The following TRPV1 variants were observed in gnomAD, a reference collection of about 807,000 sequenced individuals.
TRPV1 encodes the protein OTRPC1.
In TRPV1, 82 loss-of-function variants were observed where a neutral mutation model predicts 82.3. The ratio of observed to expected loss-of-function variants is 1.00; its 90% confidence interval spans 0.83 to 1.20. The LOEUF (loss-of-function observed/expected upper bound fraction) is 1.20, where lower values mean the gene tolerates loss of function less well. TRPV1 is among the 50% of genes most tolerant of loss of function. TRPV1 has a pLI of 0.00. For missense variants in TRPV1, 1,067 were observed against 1,096.8 expected (o/e 0.97, Z 0.38); for synonymous variants, 515 against 467.7 (o/e 1.10, Z -1.30).
At position 3,583,338 on chromosome 17, in the gene TRPV1, C is replaced by T. The variant is rs2150839775; in HGVS notation, c.1476G>A (p.Gly492=). 1 of 1,606,138 alleles carries T rather than the reference C, an allele frequency of 6.2e-7. No individual in the cohort carries two copies. Among genetic ancestry groups the T allele is most frequent in the African/African-American group, 1.3e-5 (1 of 74,894 alleles). The change falls in exon 10 of 17, where the codon GGG becomes GGA. Residue 492 remains glycine (G), a splice_region_variant and synonymous_variant. Coordinates refer to ENST00000572705, the MANE Select transcript of TRPV1 (RefSeq NM_080704.4). ...TCACAATGTGGGAAGGAACGCTTAC[C>T]CCTCGGAAAAAGAAGTAGACTCCTC... ...VLGGVYFFFR[G]IQYFLQRRPS... is the part of the protein sequence containing the mutation.
chr17:3,585,445 C>A, intron 9 of TRPV1: 1 of 269,022 alleles, frequency 3.7e-6, no homozygotes, highest in South Asian at 5.2e-5. Context: ...GCCACCATGC[C>A]CGGCCCCTGC....
intron 9 of TRPV1, among the ~76,000 whole-genome samples, chr17:3,583,662 G>A (rs1489234309): frequency 6.6e-6 from 1 of 152,236 alleles, no homozygotes; most frequent in Non-Finnish European, 1.5e-5. Context: ...ACAATGCTGT[G>A]CCGCCTCCCA....
At position 3,588,279 on chromosome 17, in the gene TRPV1, A is replaced by T; in HGVS notation, c.1133T>A (p.Val378Glu). Residue 378 changes from valine to glutamate, a missense_variant, in exon 8 of 17, where the codon GTG becomes GAG. Coordinates refer to ENST00000572705, the MANE Select transcript of TRPV1 (RefSeq NM_080704.4). ...GGACAGGTCGTACAGCGAGGAGTGC[A>T]CGGGCCCGTAGGCCCACTCGGTGAA... ...RKFTEWAYGP[V>E]HSSLYDLSCI... 6.3e-7 allele frequency: 1 copy of T among 1,579,348 alleles called. No homozygotes were observed. The highest frequency in any genetic ancestry group is 8.6e-7 in the Non-Finnish European group (1 of 1,163,232).
chr17:3,580,695 G>A (rs996298759), intron 10 of TRPV1, among the ~76,000 whole-genome samples, 168 bp from the exon 11 acceptor site: 2 of 152,150 alleles, frequency 1.3e-5, no homozygotes. Flanking sequence ...GTGACACTAG[G>A]TGGCCCAGTC....
chr17:3,571,651 G>T lies in TRPV1; in HGVS notation c.2232-12C>A. On this transcript the variant is annotated splice_polypyrimidine_tract_variant and intron_variant, in intron 15 of 16. Transcript: ENST00000572705. ...TCACCTCGTCCACCCTGCAGGGTAA[G>T]GGGTCGGGAGAGCCTGAGAGCTGTG... 1 of 1,592,736 alleles carries T rather than the reference G, an allele frequency of 6.3e-7. No homozygotes were observed. The highest frequency in any genetic ancestry group is 2.3e-5 in the East Asian group (1 of 44,156).
Position 3,572,173 on chromosome 17 carries a change from A to T in TRPV1, c.2180T>A (p.Leu727Gln). 6.2e-7 allele frequency: 1 copy of T among 1,613,662 alleles called. No homozygotes were observed. Among genetic ancestry groups the T allele is most frequent in the Non-Finnish European group, 8.5e-7 (1 of 1,179,748 alleles). Residue 727 changes from leucine (L) to glutamine (Q), a missense_variant, in exon 15 of 17, where the codon CTG (leucine) becomes CAG (glutamine). By Grantham distance (113) the Leu-to-Gln change is moderately radical. Coordinates refer to ENST00000572705, the MANE Select transcript of TRPV1 (RefSeq NM_080704.4). Reference sequence around the variant, plus strand: ...GCCATCAGGTGTGTACCCCACCTGCAGCAGCTTGCCTGAGCGGAAGGCCTT... The same window carrying T: ...GCCATCAGGTGTGTACCCCACCTGCTGCAGCTTGCCTGAGCGGAAGGCCTT... Reference protein sequence around the residue: ...MRKAFRSGKLLQVGYTPDGKD... With the variant: ...MRKAFRSGKLQQVGYTPDGKD...
chr17:3,576,668 A>AAAAAAAAATATATAT, intron 13 of TRPV1, among the ~76,000 whole-genome samples: 10 of 38,378 alleles, frequency 2.6e-4, no homozygotes, highest in Non-Finnish European at 3.2e-4. Context: ...AAAAAAAAAA[A>AAAAAAAAATATATAT]ATATATATAT....
intron 9 of TRPV1, among the ~76,000 whole-genome samples, chr17:3,583,817 G>A (rs1415553746): frequency 1.3e-5 from 2 of 152,200 alleles, no homozygotes; most frequent in South Asian, 2.1e-4. Context: ...TCTCCCACGA[G>A]TGTCAGGGAC....
At chr17:3,603,360 A>G (rs1273567200) in intron 2 of TRPV1, among the ~76,000 whole-genome samples, 1 of 152,118 alleles carries the variant, frequency 6.6e-6, no homozygotes, top group African/African-American at 2.4e-5. Flanking sequence ...GCTGTGTTCC[A>G]GGGCAGGGAC....
Position 3,572,231 on chromosome 17 carries a change from C to A in TRPV1, c.2122G>T (p.Asp708Tyr), listed in dbSNP as rs1462857460. Residue 708 changes from aspartate (D) to tyrosine (Y), a missense_variant, in exon 15 of 17, where the codon GAC (aspartate) becomes TAC (tyrosine). Asp to Tyr is a radical substitution (Grantham distance 160). Transcript: ENST00000572705. ...CACTTAAGGAAGCTCTTCTCCGTGT[C>A]CAGGATGGTGATGGCTCTCTGCAGG... ...WKLQRAITILDTEKSFLKCMR... is the reference protein window; with the variant it reads ...WKLQRAITILYTEKSFLKCMR... 1.9e-6 allele frequency: 3 copies of A among 1,609,830 alleles called. No homozygotes were observed. Among genetic ancestry groups the A allele is most frequent in the Non-Finnish European group, 2.5e-6 (3 of 1,178,220 alleles).
chr17:3,594,875 G>A (rs973355266), intron 2 of TRPV1, among the ~76,000 whole-genome samples: 1 of 152,158 alleles, frequency 6.6e-6, no homozygotes, highest in African/African-American at 2.4e-5. Context: ...GAACAGAGGT[G>A]GGCTAGGGTC....
At position 3,593,632 on chromosome 17, in the gene TRPV1, C is replaced by T. The variant is rs544355367; in HGVS notation, c.-33-1249G>A. Among the ~76,000 whole-genome samples the T allele has an allele frequency of 3.9e-5, 6 of 152,278 alleles. No homozygotes were observed. In the East Asian group the frequency reaches 5.8e-4, roughly 15 times the overall value. The stretch of plus-strand genomic sequence containing the variant: ...TCCCCTCAGGATCCAGCACTGATGC[C>T]GCCTCCTCCATGAAGCCCCCAGATC... On this transcript the variant is annotated intron_variant, in intron 2 of 16. Coordinates refer to ENST00000572705, the MANE Select transcript of TRPV1 (RefSeq NM_080704.4).
chr17:3,590,468 C>G, intron 5 of TRPV1, 76 bp from the exon 6 acceptor site: 6 of 1,569,536 alleles, frequency 3.8e-6, no homozygotes, highest in Non-Finnish European at 5.2e-6. Context: ...GGGAAGGGCT[C>G]TGGGCAGGCA....
At chr17:3,568,217 G>A (rs1392649463) in intron 16 of TRPV1, among the ~76,000 whole-genome samples, 3 of 151,656 alleles carry the variant, frequency 2.0e-5, no homozygotes, top group East Asian at 3.9e-4. Flanking sequence ...AGCTACTCGG[G>A]AGGCTGAAGC....
intron 3 of TRPV1, among the ~76,000 whole-genome samples, chr17:3,591,586 G>A (rs1273729253): frequency 6.6e-6 from 1 of 152,214 alleles, no homozygotes; most frequent in Non-Finnish European, 1.5e-5. Context: ...CATCTAGAAA[G>A]TCACCCTCCT....
chr17:3,567,369 C>CAAAAAA (rs56391405), intron 16 of TRPV1, among the ~76,000 whole-genome samples: 9 of 52,788 alleles, frequency 1.7e-4, no homozygotes, highest in Non-Finnish European at 2.8e-4. Context: ...AACTCCGTCT[C>CAAAAAA]AAAAAAAAAA....
At chr17:3,578,707 C>T (rs1223265958) in intron 11 of TRPV1, 2 of 152,114 alleles carry the variant, frequency 1.3e-5, no homozygotes, top group African/African-American at 2.4e-5. Context: ...ACCCATTCTA[C>T]CAAAAAGATG....
rs1399484952 is a variant in TRPV1, at chr17:3,573,821, A to G, written c.1915T>C (p.Phe639Leu). ...NSLYSTCLEL[F>L]KFTIGMGDLE... ...TCGCCCATGCCGATGGTGAACTTGA[A>G]CAGCTCCAGGCAGGTGGAGTACAGG... is the stretch of plus-strand genomic sequence containing the variant. The change falls in exon 14 of 17, where the codon TTC becomes CTC. Residue 639 changes from phenylalanine to leucine, a missense_variant. Phe to Leu is a conservative substitution (Grantham distance 22, BLOSUM62 0). Transcript: ENST00000572705. 6.2e-7 allele frequency: 1 copy of G among 1,613,660 alleles called. No homozygotes were observed. Among genetic ancestry groups the G allele is most frequent in the East Asian group, 2.2e-5 (1 of 44,886 alleles).
At chr17:3,574,434 AC>A (rs928116506) in intron 13 of TRPV1, among the ~76,000 whole-genome samples, 3 of 151,206 alleles carry the variant, frequency 2.0e-5, no homozygotes, top group East Asian at 2.0e-4. Flanking sequence ...GTATCCACAA[AC>A]CCCCCCGGCC....
Sources: gnomAD v4.1 joint callset for allele counts (sites outside exome capture counted in the v4.1 genomes callset) on GRCh38, gnomAD v4.1.1 for gene constraint, MANE v1.5 for transcripts, NCBI Gene and HGNC (gene_info 2026-07-23, HGNC 2026-07-21) for gene names.